Variants in PCDHA6 observed in about 807,000 individuals in gnomAD.
The protein encoded by PCDHA6 is protocadherin alpha 6.
PCDHA6 carries 55 observed loss-of-function variants against 60.3 expected under a neutral mutation model. That is an observed-to-expected ratio of 0.91 (90% CI 0.73 to 1.14). PCDHA6 has a LOEUF of 1.14. Ranked by LOEUF, PCDHA6 falls within the 50% of genes most tolerant of loss-of-function variation. The pLI is 0.00. For synonymous variants in PCDHA6, 652 were observed against 557.9 expected (o/e 1.17, Z -2.38); for missense variants, 1,327 against 1,256.5 (o/e 1.06, Z -0.85).
Position 140,873,293 on chromosome 5 carries a change from A to G in PCDHA6, c.2394+42808A>G, listed in dbSNP as rs189607123. Reference sequence around the variant, plus strand: ...ACCATCATACCACTTATGAAACTTTATAAATATAATAAAGGTGAATATTAG... The same window carrying G: ...ACCATCATACCACTTATGAAACTTTGTAAATATAATAAAGGTGAATATTAG... On this transcript the variant is annotated intron_variant, in intron 1 of 3. Transcript: ENST00000529310. Among the ~76,000 whole-genome samples, 54 of 152,366 alleles carry G rather than the reference A, an allele frequency of 3.5e-4. No homozygotes were observed. In the East Asian group the frequency reaches 0.01, roughly 29 times the overall value.
intron 1 of PCDHA6, among the ~76,000 whole-genome samples, chr5:140,962,154 C>T (rs1447978704): frequency 3.9e-5 from 6 of 152,210 alleles, no homozygotes; most frequent in Admixed American, 1.3e-4. Context: ...GGATTACAGG[C>T]GTGAGCCACC....
intron 1 of PCDHA6, chr5:140,842,876 G>A (rs2150347081): frequency 6.3e-7 from 1 of 1,593,878 alleles, no homozygotes; most frequent in Non-Finnish European, 8.6e-7. Flanking sequence ...CAAGGTGTAC[G>A]CGCTGCAGCC....
At chr5:140,978,914 C>A (rs2096828574) in intron 1 of PCDHA6, 35 bp from the exon 2 acceptor site, 10 of 1,613,852 alleles carry the variant, frequency 6.2e-6, no homozygotes, top group Non-Finnish European at 8.5e-6. Context: ...ATTGTCTTGT[C>A]ATTTTAACAG....
Position 140,982,555 on chromosome 5 carries a change from C to T in PCDHA6, c.2534C>T (p.Ala845Val). The change falls in exon 3 of 4, where the codon GCA becomes GTA. Residue 845 changes from alanine (A) to valine (V), a missense_variant. Transcript: ENST00000529310. Reference sequence around the variant, plus strand: ...CAGCAGTGGCCAACAGTATCCAGTGCAACACCAGGTAAAGAGCTGGGGTCT... The same window carrying T: ...CAGCAGTGGCCAACAGTATCCAGTGTAACACCAGGTAAAGAGCTGGGGTCT... Reference protein sequence around the residue: ...PDQQWPTVSSATPEPEAGEVS... With the variant: ...PDQQWPTVSSVTPEPEAGEVS... The T allele has an allele frequency of 6.2e-7, 1 of 1,614,108 alleles. No homozygotes were observed. The highest frequency in any genetic ancestry group is 8.5e-7 in the Non-Finnish European group (1 of 1,179,990).
Position 140,830,377 on chromosome 5 carries a change from G to A in PCDHA6, c.2286G>A (p.Glu762=). ...QQRRQRVCSG[E]GPPKMDLMAF... ...GGCGGCAGAGGGTGTGCTCCGGGGA[G>A]GGCCCACCCAAGATGGATCTCATGG... The change falls in exon 1 of 4, where the codon GAG becomes GAA. Residue 762 remains glutamate, a synonymous_variant. Transcript: ENST00000529310. The A allele has an allele frequency of 1.2e-6, 2 of 1,614,174 alleles. No homozygotes were observed. The highest frequency in any genetic ancestry group is 1.1e-5 in the South Asian group (1 of 91,082).
chr5:140,870,385 G>A, intron 1 of PCDHA6: 1 of 1,614,240 alleles, frequency 6.2e-7, no homozygotes. Context: ...GACTGCGCGG[G>A]ATGGGGGTTC....
intron 1 of PCDHA6, chr5:140,834,291 G>T: frequency 8.3e-7 from 1 of 1,201,540 alleles, no homozygotes; most frequent in Middle Eastern, 2.2e-4. Flanking sequence ...CACAACAATG[G>T]CCACACATCG....
intron 1 of PCDHA6, among the ~76,000 whole-genome samples, chr5:140,889,730 A>C (rs1554184026): frequency 6.6e-6 from 1 of 152,198 alleles, no homozygotes; most frequent in East Asian, 1.9e-4. Flanking sequence ...TGTCTCACTG[A>C]GTAGCAGAGT....
At chr5:140,944,865 T>G (rs1227128611) in intron 1 of PCDHA6, among the ~76,000 whole-genome samples, 3 of 152,166 alleles carry the variant, frequency 2.0e-5, no homozygotes, top group Non-Finnish European at 4.4e-5. Flanking sequence ...TTATTTATCT[T>G]AACCACCTAC....
At chr5:140,940,258 C>A (rs2092581637) in intron 1 of PCDHA6, among the ~76,000 whole-genome samples, 1 of 152,130 alleles carries the variant, frequency 6.6e-6, no homozygotes, top group South Asian at 2.1e-4. Flanking sequence ...TCAATATCTT[C>A]TGGGTTCCAC....
intron 1 of PCDHA6, among the ~76,000 whole-genome samples, chr5:140,925,385 C>G (rs559735505): frequency 6.4e-4 from 97 of 152,144 alleles, no homozygotes; most frequent in Non-Finnish European, 1.2e-3. Context: ...AATGAGTCTC[C>G]TTTTGGCTCG....
intron 3 of PCDHA6, among the ~76,000 whole-genome samples, chr5:140,995,529 C>T (rs1191657600): frequency 6.6e-6 from 1 of 152,078 alleles, no homozygotes. Context: ...GAAATCAAAC[C>T]TCAAATAAGG....
At chr5:140,836,278 G>T (rs1774328850) in intron 1 of PCDHA6, 3 of 1,613,796 alleles carry the variant, frequency 1.9e-6, no homozygotes, top group Middle Eastern at 1.6e-4. Context: ...GGTGAGATCA[G>T]CACGACACGA....
rs1554263082 is a variant in PCDHA6 at position 141,010,709 on chromosome 5, TG to T, written c.*773del. 2 of 154,830 alleles carry T rather than the reference TG, an allele frequency of 1.3e-5. No individual in the cohort carries two copies. Among genetic ancestry groups the T allele is most frequent in the African/African-American group, 2.4e-5 (1 of 41,516 alleles). The allele number at this position is 154,830 out of a possible 1,614,324, so 9.6% of individuals were successfully genotyped here. On this transcript the variant is annotated 3_prime_UTR_variant, in exon 4 of 4. Transcript: ENST00000529310. Reference sequence around the variant, plus strand: ...TCTGATGTGTTTCCTATACATGTCCTGTGCTCACTTTATTAAAAATTCTTTT... The same window carrying T: ...TCTGATGTGTTTCCTATACATGTCCTTGCTCACTTTATTAAAAATTCTTTT...
chr5:140,872,356 G>C (rs2053615726), intron 1 of PCDHA6, among the ~76,000 whole-genome samples: 1 of 152,160 alleles, frequency 6.6e-6, no homozygotes, highest in African/African-American at 2.4e-5. Flanking sequence ...GCCAGGCAAA[G>C]TGGTTCAGGC....
At chr5:140,929,821 C>G (rs2086398950) in intron 1 of PCDHA6, 1 of 157,208 alleles carries the variant, frequency 6.4e-6, no homozygotes, top group Non-Finnish European at 1.4e-5. Context: ...AGAAAGGGAA[C>G]ATAAGAGAAC....
At chr5:140,869,471 T>A in intron 1 of PCDHA6, 1 of 1,613,696 alleles carries the variant, frequency 6.2e-7, no homozygotes, top group East Asian at 2.2e-5. Context: ...AACGTGGAGG[T>A]GAAGGACATT....
intron 3 of PCDHA6, among the ~76,000 whole-genome samples, chr5:141,001,404 T>A (rs965496882): frequency 1.3e-4 from 20 of 152,072 alleles, no homozygotes; most frequent in African/African-American, 4.8e-4. Context: ...GAACAGGGAG[T>A]ATATTTTTAC....
intron 1 of PCDHA6, among the ~76,000 whole-genome samples, chr5:140,941,202 C>CTTTCCTTCTTT (rs1554213921): frequency 8.1e-6 from 1 of 122,742 alleles, no homozygotes; most frequent in Non-Finnish European, 1.8e-5. Flanking sequence ...TTTCTTTCTT[C>CTTTCCTTCTTT]CTTTCTTTCT....
Sources: gnomAD v4.1 joint callset for allele counts (sites outside exome capture counted in the v4.1 genomes callset) on GRCh38, gnomAD v4.1.1 for gene constraint, MANE v1.5 for transcripts, NCBI Gene and HGNC (gene_info 2026-07-23, HGNC 2026-07-21) for gene names.